The following EDC3 variants were observed in gnomAD, a reference collection of about 807,000 sequenced individuals.
EDC3 encodes the protein enhancer of mRNA-decapping protein 3.
EDC3 carries 20 observed loss-of-function variants against 41.8 expected under a neutral mutation model. The observed-to-expected ratio is 0.48, with a 90% CI of 0.34 to 0.70. EDC3 has a LOEUF of 0.70. EDC3 is among the 30% of genes least tolerant of loss of function. The probability of loss-of-function intolerance (pLI) is 0.01; values close to 1 mark genes in which losing one functional copy is unlikely to be tolerated. For synonymous variants in EDC3, 206 were observed against 243.2 expected, an observed-to-expected ratio of 0.85 and a Z score of 1.42; for missense variants, 444 against 636.8, an observed-to-expected ratio of 0.70 and a Z score of 3.26.
chr15:74,656,387 G>A (rs189492073), intron 3 of EDC3, among the ~76,000 whole-genome samples: 4 of 147,992 alleles, frequency 2.7e-5, no homozygotes, highest in Admixed American at 1.4e-4. Context: ...CCTGGGCAAA[G>A]AGCAAGAATC....
intron 4 of EDC3, among the ~76,000 whole-genome samples, chr15:74,649,452 T>C (rs1163166932): frequency 3.9e-5 from 6 of 152,102 alleles, no homozygotes; most frequent in African/African-American, 1.4e-4. Flanking sequence ...ACATATTTGG[T>C]TCAGTTATAC....
intron 3 of EDC3, among the ~76,000 whole-genome samples, chr15:74,658,203 C>G (rs1016405398): frequency 3.3e-5 from 5 of 152,192 alleles, no homozygotes; most frequent in African/African-American, 9.7e-5. Context: ...GTACTTCCTT[C>G]TGAAAGACTG....
chr15:74,653,239 A>C (rs991948195), intron 4 of EDC3, among the ~76,000 whole-genome samples: 4 of 152,032 alleles, frequency 2.6e-5, no homozygotes, highest in Non-Finnish European at 5.9e-5. Context: ...CTCATCTGTA[A>C]AATGAAAAAA....
intron 4 of EDC3, 37 bp downstream of exon 4, chr15:74,655,696 C>G (rs538490167): frequency 3.9e-6 from 6 of 1,557,026 alleles, no homozygotes; most frequent in African/African-American, 1.4e-5. Flanking sequence ...AGAAAGGCAA[C>G]AGCAACCAGC....
At chr15:74,677,892 C>T (rs2062824311) in intron 1 of EDC3, among the ~76,000 whole-genome samples, 1 of 152,040 alleles carries the variant, frequency 6.6e-6, no homozygotes, top group Non-Finnish European at 1.5e-5. Flanking sequence ...CACACCCAGA[C>T]AGTGGAATAC....
intron 4 of EDC3, among the ~76,000 whole-genome samples, chr15:74,648,297 A>G (rs1419144763): frequency 2.0e-5 from 3 of 152,232 alleles, no homozygotes; most frequent in Non-Finnish European, 4.4e-5. Context: ...TGAAAGCCTT[A>G]GATTACTTCT....
chr15:74,695,943 G>A lies in EDC3; in HGVS notation c.-82C>T, dbSNP rs529546747. 3.3e-5 allele frequency: 5 copies of A among 152,854 alleles called. No individual in the cohort carries two copies. Among genetic ancestry groups the A allele is most frequent in the African/African-American group, 7.2e-5 (3 of 41,562 alleles). The allele number at this position is 152,854 out of a possible 1,614,324, so 9.5% of individuals were successfully genotyped here. On this transcript the variant is annotated 5_prime_UTR_variant, in exon 1 of 7. Coordinates refer to ENST00000315127, the MANE Select transcript of EDC3 (RefSeq NM_025083.5). ...ACCAAGCCGACCACTCAACACCAGA[G>A]GACCCACAGAAGAATTCTCTCCACG...
At chr15:74,670,010 A>ATTTT (rs757043746) in intron 3 of EDC3, among the ~76,000 whole-genome samples, 9 of 116,396 alleles carry the variant, frequency 7.7e-5, no homozygotes, top group African/African-American at 1.8e-4. Context: ...CGCCCAGCTA[A>ATTTT]TTTTTTTTTT....
At chr15:74,637,311 TA>T (rs542131526) in intron 5 of EDC3, 4 of 152,196 alleles carry the variant, frequency 2.6e-5, no homozygotes, top group Non-Finnish European at 5.9e-5. Flanking sequence ...AGAAGCTGGC[TA>T]GAGAGGAGTG....
chr15:74,683,195 G>T (rs2062894759), intron 1 of EDC3, among the ~76,000 whole-genome samples: 1 of 152,100 alleles, frequency 6.6e-6, no homozygotes, highest in South Asian at 2.1e-4. Context: ...GTTGTGTTCT[G>T]TATGATTCCA....
intron 3 of EDC3, among the ~76,000 whole-genome samples, chr15:74,665,908 G>T (rs1163505636): frequency 6.8e-6 from 1 of 148,114 alleles, no homozygotes; most frequent in African/African-American, 2.5e-5. Context: ...GGCAATTCTT[G>T]TGCCTCAGTC....
chr15:74,646,352 C>T (rs1161923298), intron 4 of EDC3, among the ~76,000 whole-genome samples: 2 of 152,230 alleles, frequency 1.3e-5, no homozygotes, highest in East Asian at 1.9e-4. Context: ...GGATTACGGG[C>T]GTGAGCCACT....
chr15:74,673,771 T>A (rs1555456465), intron 2 of EDC3, among the ~76,000 whole-genome samples: 1 of 146,326 alleles, frequency 6.8e-6, no homozygotes, highest in Non-Finnish European at 1.5e-5. Flanking sequence ...ACCCGGGAGA[T>A]GGAGTTTGCA....
chr15:74,647,366 T>C (rs1272518991), intron 4 of EDC3, among the ~76,000 whole-genome samples: 1 of 152,132 alleles, frequency 6.6e-6, no homozygotes, highest in Non-Finnish European at 1.5e-5. Flanking sequence ...AGGGCACATA[T>C]TAGCAAAGCA....
intron 6 of EDC3, 177 bp downstream of exon 6, chr15:74,635,232 G>A: frequency 2.8e-6 from 2 of 713,678 alleles, no homozygotes; most frequent in South Asian, 1.5e-5. Flanking sequence ...TAGTTGGAGA[G>A]GGAGAAGCAT....
At chr15:74,667,549 T>C (rs2062691187) in intron 3 of EDC3, among the ~76,000 whole-genome samples, 1 of 149,984 alleles carries the variant, frequency 6.7e-6, no homozygotes, top group African/African-American at 2.5e-5. Flanking sequence ...AGTAAGCATC[T>C]TTCAGTGTGA....
intron 1 of EDC3, among the ~76,000 whole-genome samples, chr15:74,685,667 T>C (rs1017141295): frequency 7.2e-5 from 11 of 152,188 alleles, no homozygotes; most frequent in Non-Finnish European, 1.0e-4. Flanking sequence ...GCATACTCTA[T>C]GCAAAATCCT....
At chr15:74,667,874 G>T (rs1051300184) in intron 3 of EDC3, among the ~76,000 whole-genome samples, 5 of 152,130 alleles carry the variant, frequency 3.3e-5, no homozygotes, top group Non-Finnish European at 7.4e-5. Context: ...CACTCCCTGG[G>T]TGTGGGCTGC....
chr15:74,691,485 C>T (rs1246969697), intron 1 of EDC3, among the ~76,000 whole-genome samples: 4 of 152,190 alleles, frequency 2.6e-5, no homozygotes, highest in Admixed American at 6.5e-5. Flanking sequence ...GTGAGGGCCA[C>T]CTCACTTCTC....
Sources: gnomAD v4.1 joint callset for allele counts (sites outside exome capture counted in the v4.1 genomes callset) on GRCh38, gnomAD v4.1.1 for gene constraint, MANE v1.5 for transcripts, NCBI Gene and HGNC (gene_info 2026-07-23, HGNC 2026-07-21) for gene names.